The following ATP2B2 variants were observed in gnomAD, a reference collection of about 807,000 sequenced individuals.
ATP2B2 encodes plasma membrane calcium-transporting ATPase 2.
Under a neutral mutation model 120.0 loss-of-function variants are expected in ATP2B2, and 15 were observed. The observed-to-expected ratio is 0.12, with a 90% CI of 0.08 to 0.19. The LOEUF is 0.19. ATP2B2 is among the 10% of genes least tolerant of loss of function. The pLI, the probability that ATP2B2 is intolerant of heterozygous loss-of-function variation, is 1.00. For synonymous variants in ATP2B2, 694 were observed against 700.3 expected (o/e 0.99, Z 0.14); for missense variants, 1,045 against 1,719.8 (o/e 0.61, Z 6.94).
At position 10,536,437 on chromosome 3, in the gene ATP2B2, CTCTTCCTGTCTT is replaced by C. The variant is rs2067319366; in HGVS notation, c.-414-2316_-414-2305del. On this transcript the variant is annotated intron_variant, in intron 2 of 21. Transcript: ENST00000646379. ...TCTGCTTCTCTTCTTCTTCTTCTTC[CTCTTCCTGTCTT>C]TCTTCCTCTCCTTCCTCCTTCCTCC... is the stretch of plus-strand genomic sequence containing the variant. Among the ~76,000 whole-genome samples the C allele has an allele frequency of 2.0e-5, 3 of 150,558 alleles. No individual in the cohort carries two copies. The South Asian group carries it at 6.3e-4, about 32-fold the overall frequency.
chr3:10,632,390 C>T lies in ATP2B2; in HGVS notation c.-459-12429G>A, dbSNP rs530000147. Among the ~76,000 whole-genome samples the T allele has an allele frequency of 1.7e-4, 26 of 152,264 alleles. No individual in the cohort carries two copies. The East Asian group carries it at 1.7e-3, about 10-fold the overall frequency. Reference sequence around the variant, plus strand: ...CTGGAGACATTTGAGTTTGCCACCCCGGGGCAGGCCAGTATCCTCTATGGG... The same window carrying T: ...CTGGAGACATTTGAGTTTGCCACCCTGGGGCAGGCCAGTATCCTCTATGGG... On this transcript the variant is annotated intron_variant, in intron 1 of 21. Transcript: ENST00000646379.
At chr3:10,576,802 C>T (rs781193409) in intron 2 of ATP2B2, among the ~76,000 whole-genome samples, 1 of 152,040 alleles carries the variant, frequency 6.6e-6, no homozygotes, top group Non-Finnish European at 1.5e-5. Flanking sequence ...CGGTGGCTCA[C>T]GTCTGTAATC....
chr3:10,494,196 G>A (rs952998003), intron 1 of ATP2B2, among the ~76,000 whole-genome samples: 1 of 152,088 alleles, frequency 6.6e-6, no homozygotes, highest in Admixed American at 6.5e-5. Context: ...GAGATTAAGG[G>A]AGAGATGGTG....
rs150074749 is a variant in ATP2B2 at position 10,336,076 on chromosome 3, C to A, written c.3420+2100G>T. ...CTCTGGTGCCCCAGCCCCTGCCCGC[C>A]TGGGAGCTGGCGTGGGCAGTGCCAG... On this transcript the variant is annotated intron_variant, in intron 22 of 22. Coordinates refer to ENST00000360273, the MANE Select transcript of ATP2B2 (RefSeq NM_001001331.4). 52 of 1,534,240 alleles carry A rather than the reference C, an allele frequency of 3.4e-5. No homozygotes were observed. In the Admixed American group the frequency reaches 7.3e-4, roughly 22 times the overall value.
intron 2 of ATP2B2, among the ~76,000 whole-genome samples, chr3:10,568,910 G>A (rs145687797): frequency 2.6e-5 from 4 of 152,314 alleles, no homozygotes; most frequent in African/African-American, 7.2e-5. Flanking sequence ...CCTACCAGCC[G>A]ACAGTGTCAG....
At position 10,362,846 on chromosome 3, in the gene ATP2B2, C is replaced by T. The variant is rs75941427; in HGVS notation, c.1660-2723G>A. Among the ~76,000 whole-genome samples the T allele has an allele frequency of 8.5e-3, 1,292 of 152,172 alleles. 15 individuals are homozygous for T. The highest frequency in any genetic ancestry group is 0.015 in the Non-Finnish European group (996 of 68,012). On this transcript the variant is annotated intron_variant, in intron 12 of 22. Coordinates refer to ENST00000360273, the MANE Select transcript of ATP2B2 (RefSeq NM_001001331.4). Reference sequence around the variant, plus strand: ...CTCTGCAGTATGCTGTTATTGTGTGCTATACATATATATACATATACATAT... The same window carrying T: ...CTCTGCAGTATGCTGTTATTGTGTGTTATACATATATATACATATACATAT...
chr3:10,641,527 C>T (rs1405117237), intron 1 of ATP2B2, among the ~76,000 whole-genome samples: 1 of 152,186 alleles, frequency 6.6e-6, no homozygotes, highest in African/African-American at 2.4e-5. Context: ...AATATTTTTT[C>T]TAGTTGTTAC....
intron 2 of ATP2B2, among the ~76,000 whole-genome samples, chr3:10,534,945 C>T (rs1488834159): frequency 7.5e-6 from 1 of 132,578 alleles, no homozygotes; most frequent in African/African-American, 2.8e-5. Context: ...ACTCTGTCAT[C>T]CAGGCTGGAG....
chr3:10,532,986 G>A (rs1024022781), intron 3 of ATP2B2, among the ~76,000 whole-genome samples: 1 of 152,194 alleles, frequency 6.6e-6, no homozygotes, highest in African/African-American at 2.4e-5. Context: ...AGATGAGATG[G>A]CAACTCTAAG....
In ATP2B2 at chr3:10,324,849, A is replaced by C. The variant is rs535581631; in HGVS notation, c.*3965T>G. 2 of 152,414 alleles carry C rather than the reference A, an allele frequency of 1.3e-5. No homozygotes were observed. Among genetic ancestry groups the C allele is most frequent in the African/African-American group, 2.4e-5 (1 of 41,602 alleles). 9.4% of individuals were successfully genotyped at this position (152,414 alleles called of 1,614,324 possible). ...GGGAGATAGGAATAAAGGTTTCTCC[A>C]TGATGAGAATTAGAAGTGCAGACAA... On this transcript the variant is annotated 3_prime_UTR_variant, in exon 23 of 23. Coordinates refer to ENST00000360273, the MANE Select transcript of ATP2B2 (RefSeq NM_001001331.4).
intron 2 of ATP2B2, among the ~76,000 whole-genome samples, chr3:10,560,583 G>A (rs1004413016): frequency 1.3e-5 from 2 of 152,114 alleles, no homozygotes; most frequent in African/African-American, 4.8e-5. Context: ...GCTCCCATCA[G>A]CCCCTTGCCC....
intron 2 of ATP2B2, among the ~76,000 whole-genome samples, chr3:10,562,907 T>G (rs750021205): frequency 2.9e-4 from 44 of 152,244 alleles, no homozygotes; most frequent in Non-Finnish European, 6.0e-4. Context: ...TCAATTTGGT[T>G]TTCCTCTTTG....
chr3:10,508,898 T>C (rs1438458962), upstream of ATP2B2, among the ~76,000 whole-genome samples: 1 of 152,214 alleles, frequency 6.6e-6, no homozygotes, highest in Non-Finnish European at 1.5e-5. Context: ...ATTTGGCTTA[T>C]GGTGGACACC....
chr3:10,406,586 C>T (rs2062419733), intron 3 of ATP2B2, among the ~76,000 whole-genome samples: 1 of 152,246 alleles, frequency 6.6e-6, no homozygotes, highest in Non-Finnish European at 1.5e-5. Flanking sequence ...CTGCACCATA[C>T]AGCTCAGGTA....
chr3:10,361,547 T>C (rs1345601251), intron 12 of ATP2B2, among the ~76,000 whole-genome samples: 1 of 152,168 alleles, frequency 6.6e-6, no homozygotes, highest in Admixed American at 6.5e-5. Flanking sequence ...GTGAACACCA[T>C]TAGCTCCTGT....
chr3:10,364,161 A>G (rs2125467878), intron 12 of ATP2B2, among the ~76,000 whole-genome samples: 1 of 152,344 alleles, frequency 6.6e-6, no homozygotes, highest in Non-Finnish European at 1.5e-5. Flanking sequence ...CTCAACTTTT[A>G]TGAGTTACTG....
chr3:10,339,069 C>T (rs541430413), intron 21 of ATP2B2, among the ~76,000 whole-genome samples: 4 of 152,314 alleles, frequency 2.6e-5, no homozygotes, highest in South Asian at 4.1e-4. Flanking sequence ...AGCAGTCAGG[C>T]GCTGGCATGA....
At chr3:10,500,322 G>T (rs2066333775) in intron 1 of ATP2B2, among the ~76,000 whole-genome samples, 1 of 152,116 alleles carries the variant, frequency 6.6e-6, no homozygotes, top group South Asian at 2.1e-4. Flanking sequence ...ATAAGACTGT[G>T]TGCAGGTCTT....
chr3:10,371,431 A>T (rs997448573), intron 12 of ATP2B2, among the ~76,000 whole-genome samples: 1 of 152,248 alleles, frequency 6.6e-6, no homozygotes, highest in Non-Finnish European at 1.5e-5. Flanking sequence ...ATCCAGCTGA[A>T]CCCAGCTTGA....
Sources: allele counts gnomAD v4.1 joint callset (sites outside exome capture counted in the v4.1 genomes callset), GRCh38; gene constraint gnomAD v4.1.1; transcripts MANE v1.5; gene names NCBI Gene and HGNC (gene_info 2026-07-23, HGNC 2026-07-21).